The following ASTN2 variants were observed in gnomAD, a reference collection of about 807,000 sequenced individuals.
The protein encoded by ASTN2 is astrotactin-2.
A neutral mutation model predicts 139.8 loss-of-function variants in ASTN2; 54 were observed. The observed-to-expected ratio is 0.39, with a 90% CI of 0.31 to 0.48. The LOEUF (loss-of-function observed/expected upper bound fraction) is 0.48. ASTN2 is among the 20% of genes least tolerant of loss of function. The pLI, the probability that ASTN2 is intolerant of heterozygous loss-of-function variation, is 0.95. For missense variants in ASTN2, 1,565 were observed against 1,725.1 expected (o/e 0.91, Z 1.64); for synonymous variants, 756 against 719.5 (o/e 1.05, Z -0.81).
Position 117,319,704 on chromosome 9 carries a change from G to A in ASTN2, c.443-28191C>T, listed in dbSNP as rs997328603. On this transcript the variant is annotated intron_variant, in intron 1 of 22. Coordinates refer to ENST00000313400, the MANE Select transcript of ASTN2 (RefSeq NM_001365068.1). ...ACCTGCCTTGGCCTCCCAACATGCT[G>A]GGATTACAGGCATTAGCCACCCTAC... Among the ~76,000 whole-genome samples the A allele has an allele frequency of 5.3e-5, 8 of 151,994 alleles. No individual in the cohort carries two copies. In the East Asian group the frequency reaches 1.2e-3, roughly 22 times the overall value.
intron 19 of ASTN2, among the ~76,000 whole-genome samples, chr9:116,524,247 A>G (rs1246537339): frequency 6.6e-6 from 1 of 151,998 alleles, no homozygotes; most frequent in African/African-American, 2.4e-5. Flanking sequence ...TGGGAAAAAT[A>G]TCTTCTTACA....
In ASTN2 at chr9:116,684,657, T is replaced by G. The variant is rs922243729; in HGVS notation, c.2807-32864A>C. ...AGACCTGCATGAGTCGCTCAGACAC[T>G]TGAAAGTGGTCCCACTCTTCTCACC... is the stretch of plus-strand genomic sequence containing the variant. On this transcript the variant is annotated intron_variant, in intron 16 of 22. Transcript: ENST00000313400. Among the ~76,000 whole-genome samples, 33 of 152,190 alleles carry G rather than the reference T, an allele frequency of 2.2e-4. 1 individual carries two copies. The highest frequency in any genetic ancestry group is 7.7e-4 in the African/African-American group (32 of 41,456).
intron 1 of ASTN2, among the ~76,000 whole-genome samples, chr9:117,297,042 A>G (rs1235027559): frequency 1.3e-5 from 2 of 152,196 alleles, no homozygotes; most frequent in African/African-American, 4.8e-5. Flanking sequence ...TTCCTAATCT[A>G]TGGCACTCAT....
At chr9:116,998,901 T>C (rs1385758005) in intron 7 of ASTN2, among the ~76,000 whole-genome samples, 1 of 152,194 alleles carries the variant, frequency 6.6e-6, no homozygotes, top group Non-Finnish European at 1.5e-5. Context: ...TATAGCTTCA[T>C]AAAAATCCTG....
intron 10 of ASTN2, among the ~76,000 whole-genome samples, chr9:116,908,306 G>A (rs1298470604): frequency 1.3e-5 from 2 of 152,180 alleles, no homozygotes; most frequent in African/African-American, 4.8e-5. Context: ...GCCCAAATGA[G>A]TTGTAGTTTT....
intron 2 of ASTN2, among the ~76,000 whole-genome samples, chr9:117,280,558 C>A (rs927747350): frequency 6.6e-6 from 1 of 152,016 alleles, no homozygotes; most frequent in African/African-American, 2.4e-5. Context: ...GTTCAATAGC[C>A]CAAACCAAGG....
intron 11 of ASTN2, among the ~76,000 whole-genome samples, chr9:116,839,887 T>TATTA (rs1564297225): frequency 0.017 from 1,516 of 91,402 alleles, 25 homozygotes; most frequent in African/African-American, 0.076. Context: ...TATTATTTTT[T>TATTA]TTTTTTTAAT....
intron 3 of ASTN2, among the ~76,000 whole-genome samples, chr9:117,191,113 C>G (rs1831336081): frequency 6.6e-6 from 1 of 151,190 alleles, no homozygotes; most frequent in Non-Finnish European, 1.5e-5. Context: ...TTAAAACATT[C>G]AGACCATTTG....
chr9:117,139,087 T>C (rs1830015637), intron 4 of ASTN2, among the ~76,000 whole-genome samples: 1 of 152,178 alleles, frequency 6.6e-6, no homozygotes, highest in Non-Finnish European at 1.5e-5. Context: ...CAAGAGTGTT[T>C]ATGGAATATG....
chr9:116,685,882 T>A (rs114026634), intron 16 of ASTN2, among the ~76,000 whole-genome samples: 5 of 152,024 alleles, frequency 3.3e-5, no homozygotes, highest in African/African-American at 7.2e-5. Context: ...TTGATACATA[T>A]ACACACATAT....
chr9:116,870,943 A>G (rs1452091288), intron 10 of ASTN2, among the ~76,000 whole-genome samples: 1 of 152,148 alleles, frequency 6.6e-6, no homozygotes, highest in African/African-American at 2.4e-5. Context: ...GGAAGGAGGA[A>G]CCTAAGACAA....
At chr9:116,843,912 A>T (rs982108921) in intron 11 of ASTN2, among the ~76,000 whole-genome samples, 1 of 152,222 alleles carries the variant, frequency 6.6e-6, no homozygotes, top group African/African-American at 2.4e-5. Flanking sequence ...CTCTGAAGCT[A>T]AAATAAATGT....
At chr9:117,379,710 T>G (rs558482961) in intron 1 of ASTN2, among the ~76,000 whole-genome samples, 1 of 152,264 alleles carries the variant, frequency 6.6e-6, no homozygotes, top group Non-Finnish European at 1.5e-5. Context: ...CTGAGATGTA[T>G]GCCAAATTAC....
intron 8 of ASTN2, 115 bp downstream of exon 8, chr9:116,976,586 A>G: frequency 1.2e-6 from 1 of 841,036 alleles, no homozygotes; most frequent in Non-Finnish European, 1.9e-6. Flanking sequence ...CAGGAACACT[A>G]CTGTTGCAGA....
intron 1 of ASTN2, among the ~76,000 whole-genome samples, chr9:117,404,176 T>A (rs1043992154): frequency 1.2e-4 from 19 of 152,196 alleles, no homozygotes; most frequent in Non-Finnish European, 2.8e-4. Flanking sequence ...CTGACTAAAA[T>A]GTGGTTATGG....
intron 4 of ASTN2, among the ~76,000 whole-genome samples, chr9:117,115,489 C>CG (rs1401592776): frequency 2.0e-5 from 3 of 152,106 alleles, no homozygotes; most frequent in Admixed American, 1.3e-4. Context: ...TGCCACTGTA[C>CG]TCCAGCCTGG....
intron 19 of ASTN2, chr9:116,557,785 T>C (rs573023413): frequency 6.6e-6 from 1 of 152,332 alleles, no homozygotes; most frequent in Non-Finnish European, 1.5e-5. Context: ...TGAGCAATTA[T>C]AAACCCTCAG....
chr9:116,519,350 A>G (rs529111436), intron 19 of ASTN2, among the ~76,000 whole-genome samples: 10 of 152,196 alleles, frequency 6.6e-5, no homozygotes, highest in African/African-American at 2.4e-4. Context: ...CAACTCCAAA[A>G]AAAACCCTCA....
At chr9:116,882,540 G>T (rs1459852600) in intron 10 of ASTN2, among the ~76,000 whole-genome samples, 3 of 152,176 alleles carry the variant, frequency 2.0e-5, no homozygotes, top group Non-Finnish European at 4.4e-5. Context: ...TTGAGCTAGT[G>T]TCATGAGTAC....
Sources: allele counts gnomAD v4.1 joint callset (sites outside exome capture counted in the v4.1 genomes callset), GRCh38; gene constraint gnomAD v4.1.1; transcripts MANE v1.5; gene names NCBI Gene and HGNC (gene_info 2026-07-23, HGNC 2026-07-21).